PRKG1: variants seen among roughly 807,000 people sequenced by gnomAD.
PRKG1 encodes the protein protein kinase cGMP-dependent 1.
In PRKG1, 35 loss-of-function variants were observed where a neutral mutation model predicts 88.1. The ratio of observed to expected loss-of-function variants is 0.40; its 90% CI spans 0.30 to 0.53. PRKG1 has a LOEUF of 0.53. PRKG1 is among the 20% of genes least tolerant of loss of function. The pLI, the probability that PRKG1 is intolerant of heterozygous loss-of-function variation, is 0.59. For missense variants in PRKG1, 540 were observed against 839.8 expected, an observed-to-expected ratio of 0.64 and a Z score of 4.41; for synonymous variants, 303 against 292.5, an observed-to-expected ratio of 1.04 and a Z score of -0.37.
chr10:51,617,213 G>A (rs1249847817), intron 3 of PRKG1, among the ~76,000 whole-genome samples: 1 of 152,148 alleles, frequency 6.6e-6, no homozygotes, highest in African/African-American at 2.4e-5. Context: ...GCATTGAGGA[G>A]TATCTTCCAG....
intron 3 of PRKG1, among the ~76,000 whole-genome samples, chr10:51,596,046 G>T (rs183762922): frequency 2.0e-5 from 3 of 152,140 alleles, no homozygotes; most frequent in African/African-American, 7.2e-5. Flanking sequence ...GGTCAGGCTG[G>T]TCCCAAACTC....
chr10:51,272,729 A>T (rs148970205), intron 2 of PRKG1, among the ~76,000 whole-genome samples: 1 of 152,112 alleles, frequency 6.6e-6, no homozygotes, highest in Admixed American at 6.5e-5. Flanking sequence ...ATCTCAAAGG[A>T]TGCAGCCCAG....
intron 1 of PRKG1, among the ~76,000 whole-genome samples, chr10:51,130,812 C>T (rs1454638736): frequency 1.3e-5 from 2 of 151,802 alleles, no homozygotes; most frequent in Non-Finnish European, 2.9e-5. Context: ...CTGAGGCACA[C>T]ATTTGCTTGA....
chr10:51,333,904 T>C (rs556294238), intron 2 of PRKG1, among the ~76,000 whole-genome samples: 2 of 152,220 alleles, frequency 1.3e-5, no homozygotes, highest in Admixed American at 1.3e-4. Flanking sequence ...AACAGCTCCA[T>C]AACTAGTCTC....
intron 4 of PRKG1, among the ~76,000 whole-genome samples, chr10:51,895,093 T>C (rs1277099703): frequency 6.6e-6 from 1 of 152,208 alleles, no homozygotes; most frequent in Non-Finnish European, 1.5e-5. Context: ...TTATATTTGC[T>C]GCCACATTAA....
At chr10:52,275,516 C>T (rs1249951176) in intron 12 of PRKG1, among the ~76,000 whole-genome samples, 1 of 152,044 alleles carries the variant, frequency 6.6e-6, no homozygotes, top group Admixed American at 6.6e-5. Flanking sequence ...TTTCTGGGTT[C>T]TCTATTCTGT....
chr10:51,078,588 TTATATTTA>T (rs1185115402), intron 1 of PRKG1, among the ~76,000 whole-genome samples: 8 of 128,974 alleles, frequency 6.2e-5, no homozygotes, highest in African/African-American at 2.4e-4. Flanking sequence ...AAATATTTAT[TTATATTTA>T]TTTATTTATT....
chr10:52,175,161 G>A (rs1368083109), intron 9 of PRKG1, among the ~76,000 whole-genome samples: 1 of 151,884 alleles, frequency 6.6e-6, no homozygotes, highest in Non-Finnish European at 1.5e-5. Context: ...CCAGCTCCTA[G>A]TTTCCTTTGT....
intron 3 of PRKG1, among the ~76,000 whole-genome samples, chr10:51,653,455 G>C (rs993432316): frequency 6.6e-6 from 1 of 152,186 alleles, no homozygotes; most frequent in South Asian, 2.1e-4. Flanking sequence ...TTTCCCTGAT[G>C]ATTAATGATA....
intron 5 of PRKG1, among the ~76,000 whole-genome samples, chr10:52,045,660 G>A (rs1845846442): frequency 6.6e-6 from 1 of 151,988 alleles, no homozygotes; most frequent in Non-Finnish European, 1.5e-5. Flanking sequence ...GGACAGTGAT[G>A]GACAGGCTCT....
At chr10:51,243,128 A>T (rs1839198298) in intron 2 of PRKG1, among the ~76,000 whole-genome samples, 1 of 152,116 alleles carries the variant, frequency 6.6e-6, no homozygotes, top group East Asian at 1.9e-4. Context: ...TTGGTGGGGG[A>T]TTGTAAGCCC....
chr10:51,326,625 A>G (rs891655225), intron 2 of PRKG1, among the ~76,000 whole-genome samples: 3 of 152,204 alleles, frequency 2.0e-5, no homozygotes, highest in Admixed American at 6.5e-5. Flanking sequence ...TTCTTGATGT[A>G]TGGGCAAGAA....
chr10:51,161,252 A>G (rs2131988373), intron 2 of PRKG1, among the ~76,000 whole-genome samples: 1 of 152,184 alleles, frequency 6.6e-6, no homozygotes, highest in South Asian at 2.1e-4. Flanking sequence ...TGGCTAAAAT[A>G]TATAAGAATG....
chr10:51,533,366 G>T (rs971202206), intron 3 of PRKG1, among the ~76,000 whole-genome samples: 2 of 152,178 alleles, frequency 1.3e-5, no homozygotes, highest in African/African-American at 4.8e-5. Context: ...GCAAGAGTCT[G>T]AAAAGATCAG....
chr10:52,104,455 G>C (rs1256283537), intron 7 of PRKG1, among the ~76,000 whole-genome samples: 2 of 151,756 alleles, frequency 1.3e-5, no homozygotes, highest in Non-Finnish European at 2.9e-5. Flanking sequence ...CCTTTATCTG[G>C]TGAAATGACA....
intron 3 of PRKG1, among the ~76,000 whole-genome samples, chr10:51,516,035 G>T (rs556733100): frequency 6.6e-6 from 1 of 152,350 alleles, no homozygotes; most frequent in East Asian, 1.9e-4. Context: ...CAAAGGGCCA[G>T]TGTGACAGTC....
intron 4 of PRKG1, among the ~76,000 whole-genome samples, chr10:51,834,529 T>G (rs1840078691): frequency 6.6e-6 from 1 of 151,912 alleles, no homozygotes; most frequent in Admixed American, 6.6e-5. Context: ...TAGTCCCAGC[T>G]ACTTGGAAGG....
intron 5 of PRKG1, among the ~76,000 whole-genome samples, chr10:52,005,018 T>C (rs1231655476): frequency 6.6e-6 from 1 of 152,136 alleles, no homozygotes; most frequent in East Asian, 1.9e-4. Context: ...TTCCTTTCAG[T>C]TATAGTTTTA....
chr10:51,461,538 A>G (rs1839745140), intron 2 of PRKG1, among the ~76,000 whole-genome samples: 1 of 152,206 alleles, frequency 6.6e-6, no homozygotes, highest in African/African-American at 2.4e-5. Context: ...TCAATGTCCA[A>G]AGAATGATTT....
Sources: allele counts gnomAD v4.1 joint callset (sites outside exome capture counted in the v4.1 genomes callset), GRCh38; gene constraint gnomAD v4.1.1; transcripts MANE v1.5; gene names NCBI Gene and HGNC (gene_info 2026-07-23, HGNC 2026-07-21).